The following LNX2 variants were observed in gnomAD, a reference collection of about 807,000 sequenced individuals.
The protein encoded by LNX2 is ligand of numb-protein X 2.
In LNX2, 35 loss-of-function variants were observed where a neutral mutation model predicts 66.2. The ratio of observed to expected loss-of-function variants is 0.53; its 90% CI spans 0.40 to 0.70. LNX2 has a LOEUF of 0.70. Among genes scored for constraint, LNX2 ranks in the 30% least tolerant of loss-of-function variants. The probability of loss-of-function intolerance (pLI) is 0.00; values close to 1 mark genes in which losing one functional copy is unlikely to be tolerated. For synonymous variants in LNX2, 337 were observed against 315.6 expected, an observed-to-expected ratio of 1.07 and a Z score of -0.72; for missense variants, 791 against 850.8, an observed-to-expected ratio of 0.93 and a Z score of 0.87.
At chr13:27,555,329 A>C (rs1192796647) in intron 7 of LNX2, among the ~76,000 whole-genome samples, 5 of 152,022 alleles carry the variant, frequency 3.3e-5, no homozygotes, top group African/African-American at 1.2e-4. Context: ...CCTCATCTTT[A>C]TGTTGTGTTT....
At chr13:27,573,329 T>C (rs1955304968) in intron 2 of LNX2, among the ~76,000 whole-genome samples, 1 of 152,082 alleles carries the variant, frequency 6.6e-6, no homozygotes, top group Admixed American at 6.6e-5. Flanking sequence ...TTCTTCTTTT[T>C]TTTCCCCCTA....
At chr13:27,556,168 T>C (rs1955057581) in intron 7 of LNX2, 68 bp downstream of exon 7, 2 of 1,443,300 alleles carry the variant, frequency 1.4e-6, no homozygotes, top group Admixed American at 1.9e-5. Context: ...TAGATATTCT[T>C]TATTTTTTTA....
At chr13:27,594,890 G>A (rs1423620258) in intron 1 of LNX2, among the ~76,000 whole-genome samples, 1 of 152,002 alleles carries the variant, frequency 6.6e-6, no homozygotes, top group Non-Finnish European at 1.5e-5. Context: ...TACTCTTTTA[G>A]CAAACGCAGA....
chr13:27,619,539 C>G (rs2138503742), intron 1 of LNX2, among the ~76,000 whole-genome samples: 1 of 152,332 alleles, frequency 6.6e-6, no homozygotes, highest in Non-Finnish European at 1.5e-5. Flanking sequence ...TGTTCCTCCT[C>G]CTGCACCGCC....
intron 5 of LNX2, among the ~76,000 whole-genome samples, chr13:27,561,655 G>A (rs899807073): frequency 2.0e-5 from 3 of 151,884 alleles, no homozygotes; most frequent in Non-Finnish European, 4.4e-5. Context: ...AATGACTATC[G>A]GCCTACCCTA....
rs1955398855 is a variant in LNX2 at position 27,581,588 on chromosome 13, T to C, written c.116A>G (p.Asn39Ser). The change falls in exon 2 of 10, where the codon AAT becomes AGT. Residue 39 changes from asparagine to serine, a missense_variant. Asn to Ser is a conservative substitution (Grantham distance 46). Transcript: ENST00000316334. Reference protein sequence around the residue: ...QHWTRENHLYNYQNEVDDDLV... With the variant: ...QHWTRENHLYSYQNEVDDDLV... ...GTCATCATCCACTTCATTCTGGTAA[T>C]TGTACAAATGGTTTTCTCTTGTCCA... is the stretch of plus-strand genomic sequence containing the variant. The C allele has an allele frequency of 1.2e-6, 2 of 1,614,088 alleles. No homozygotes were observed. The highest frequency in any genetic ancestry group is 2.7e-5 in the African/African-American group (2 of 74,940).
At chr13:27,620,806 C>G (rs554609543), upstream of LNX2, 4 of 153,618 alleles carry the variant, frequency 2.6e-5, no homozygotes, top group African/African-American at 9.6e-5. Context: ...CGCCTGATTC[C>G]CCTGCGGAAG....
At chr13:27,551,302 T>C (rs1955005285) in intron 8 of LNX2, among the ~76,000 whole-genome samples, 1 of 151,578 alleles carries the variant, frequency 6.6e-6, no homozygotes, top group African/African-American at 2.4e-5. Flanking sequence ...TATATACACA[T>C]CTATACACAC....
At position 27,567,837 on chromosome 13, in the gene LNX2, T is replaced by C. The variant is rs760747592; in HGVS notation, c.658A>G (p.Thr220Ala). 6.8e-6 allele frequency: 11 copies of C among 1,613,778 alleles called. No individual in the cohort carries two copies. The highest frequency in any genetic ancestry group is 1.6e-4 in the Middle Eastern group (1 of 6,062). ...TCTGGTAAACTAAGTGGCTGTTGTG[T>C]GGCTGCCAAGTTAAAAATGAGACAG... ...AFEESAGADT[T>A]QQPLSLPEGE... Residue 220 changes from threonine to alanine, a missense_variant and splice_region_variant, in exon 4 of 10, where the codon ACA becomes GCA. Thr to Ala is a moderately conservative substitution (Grantham distance 58). Transcript: ENST00000316334.
At position 27,589,662 on chromosome 13, in the gene LNX2, T is replaced by C. The variant is rs544849074; in HGVS notation, c.-100-7859A>G. Among the ~76,000 whole-genome samples, 7 of 152,276 alleles carry C rather than the reference T, an allele frequency of 4.6e-5. No individual in the cohort carries two copies. In the South Asian group the frequency reaches 1.0e-3, roughly 23 times the overall value. Reference sequence around the variant, plus strand: ...AAAGTGATCAAGGCAAAAACCAAACTGGGTTACCTGCCTGATTCCTACACT... The same window carrying C: ...AAAGTGATCAAGGCAAAAACCAAACCGGGTTACCTGCCTGATTCCTACACT... On this transcript the variant is annotated intron_variant, in intron 1 of 9. Coordinates refer to ENST00000316334, the MANE Select transcript of LNX2 (RefSeq NM_153371.4).
At chr13:27,619,675 A>T (rs1364468097) in intron 1 of LNX2, among the ~76,000 whole-genome samples, 1 of 152,256 alleles carries the variant, frequency 6.6e-6, no homozygotes, top group Non-Finnish European at 1.5e-5. Context: ...CATAAACTTA[A>T]CGTAAACTGA....
chr13:27,565,860 T>G (rs551448524), intron 4 of LNX2, among the ~76,000 whole-genome samples: 3 of 152,184 alleles, frequency 2.0e-5, no homozygotes, highest in African/African-American at 7.2e-5. Flanking sequence ...GAATCCCTAG[T>G]AGGGTCAATC....
At chr13:27,612,314 T>C (rs551364314) in intron 1 of LNX2, among the ~76,000 whole-genome samples, 1 of 152,236 alleles carries the variant, frequency 6.6e-6, no homozygotes, top group African/African-American at 2.4e-5. Flanking sequence ...TGGTCCCAGC[T>C]CTCTCTCATC....
chr13:27,567,936 A>G (rs1955226976), intron 3 of LNX2, 97 bp from the exon 4 acceptor site: 1 of 929,678 alleles, frequency 1.1e-6, no homozygotes, highest in Non-Finnish European at 1.7e-6. Flanking sequence ...AGTATGTCAC[A>G]TTAATACATG....
intron 8 of LNX2, among the ~76,000 whole-genome samples, chr13:27,551,374 T>C (rs1315247991): frequency 6.6e-6 from 1 of 152,006 alleles, no homozygotes; most frequent in Admixed American, 6.6e-5. Flanking sequence ...TACTGCCAGA[T>C]TGCAGGATGT....
chr13:27,560,097 T>G (rs1248427806), intron 5 of LNX2, 112 bp from the exon 6 acceptor site: 1 of 899,458 alleles, frequency 1.1e-6, no homozygotes, highest in Non-Finnish European at 1.6e-6. Context: ...CAGGGCGTCA[T>G]CTGGACAGTG....
chr13:27,548,503 T>C, intron 9 of LNX2, 33 bp from the exon 10 acceptor site: 1 of 1,591,312 alleles, frequency 6.3e-7, no homozygotes, highest in Non-Finnish European at 8.5e-7. Flanking sequence ...AGAATGTTAC[T>C]ATTTTCATGG....
intron 2 of LNX2, among the ~76,000 whole-genome samples, chr13:27,572,799 G>A (rs541028490): frequency 2.6e-5 from 4 of 152,112 alleles, no homozygotes; most frequent in Non-Finnish European, 5.9e-5. Flanking sequence ...TGGTGGTAGT[G>A]CAGTAGAAAC....
intron 1 of LNX2, among the ~76,000 whole-genome samples, chr13:27,599,455 A>G (rs965876268): frequency 2.0e-5 from 3 of 152,192 alleles, no homozygotes; most frequent in Non-Finnish European, 2.9e-5. Flanking sequence ...AGGTGTTTGA[A>G]CAATTTGGGA....
Sources: allele counts gnomAD v4.1 joint callset (sites outside exome capture counted in the v4.1 genomes callset), GRCh38; gene constraint gnomAD v4.1.1; transcripts MANE v1.5; gene names NCBI Gene and HGNC (gene_info 2026-07-23, HGNC 2026-07-21).